Variants in AOX1 observed in about 807,000 individuals in gnomAD.
The protein encoded by AOX1 is aldehyde oxidase 1, also known as aldehyde oxidase.
AOX1 carries 153 observed loss-of-function variants against 169.5 expected under a neutral mutation model. The observed-to-expected ratio is 0.90, with a 90% CI of 0.79 to 1.03. The LOEUF is 1.03. AOX1 is among the 50% of genes least tolerant of loss of function. The probability of loss-of-function intolerance (pLI) is 0.00; values close to 1 mark genes in which losing one functional copy is unlikely to be tolerated. For synonymous variants in AOX1, 562 were observed against 581.9 expected (o/e 0.97, Z 0.49); for missense variants, 1,656 against 1,663.9 (o/e 1.00, Z 0.08).
chr2:200,646,351 C>A lies in AOX1; in HGVS notation c.2847+3550C>A, dbSNP rs142502663. Among the ~76,000 whole-genome samples the A allele has an allele frequency of 2.1e-3, 326 of 152,222 alleles. 2 individuals are homozygous for A. The highest frequency in any genetic ancestry group is 7.5e-3 in the African/African-American group (312 of 41,546). On this transcript the variant is annotated intron_variant, in intron 25 of 34. Transcript: ENST00000374700. ...ATTCAGGAGCAGGTTATTTAATTTC[C>A]ATGTATTTGCATGGTTCTGAAGGTT...
chr2:200,624,860 T>C (rs2034968658), intron 19 of AOX1, among the ~76,000 whole-genome samples: 1 of 152,110 alleles, frequency 6.6e-6, no homozygotes, highest in East Asian at 1.9e-4. Context: ...TGAGACTCAG[T>C]CCATACAGGC....
chr2:200,599,559 A>T, intron 4 of AOX1, 61 bp from the exon 5 acceptor site: 17 of 1,110,916 alleles, frequency 1.5e-5, no homozygotes, highest in Non-Finnish European at 1.8e-5. Flanking sequence ...TGCAGGCTCT[A>T]ATTCATTAGG....
Position 200,632,449 on chromosome 2 carries a change from T to C in AOX1, c.2222-2342T>C, listed in dbSNP as rs1225452228. Among the ~76,000 whole-genome samples the C allele has an allele frequency of 3.9e-5, 6 of 152,046 alleles. No individual in the cohort carries two copies. In the East Asian group the frequency reaches 9.6e-4, roughly 24 times the overall value. On this transcript the variant is annotated intron_variant, in intron 20 of 34. Coordinates refer to ENST00000374700, the MANE Select transcript of AOX1 (RefSeq NM_001159.4). ...TTTACATCCCTCTCCCTTTTTATAA[T>C]ATAATTGATAATTCTATTTATTTAT...
intron 12 of AOX1, 83 bp downstream of exon 12, chr2:200,609,497 G>T (rs1359584564): frequency 1.7e-6 from 2 of 1,183,662 alleles, no homozygotes; most frequent in Non-Finnish European, 2.5e-6. Context: ...ATCCAGTCTT[G>T]AAAATGACTT....
intron 25 of AOX1, among the ~76,000 whole-genome samples, chr2:200,646,682 G>C (rs1045007600): frequency 2.0e-5 from 3 of 151,962 alleles, no homozygotes; most frequent in Admixed American, 1.3e-4. Flanking sequence ...CTATTGTGTT[G>C]CTGTCTATCT....
intron 5 of AOX1, among the ~76,000 whole-genome samples, chr2:200,600,631 G>T (rs573271804): frequency 2.6e-5 from 4 of 152,200 alleles, no homozygotes; most frequent in African/African-American, 9.6e-5. Flanking sequence ...TGAGCCTAAA[G>T]CTCATATGTA....
chr2:200,677,926 T>C (rs369676571), downstream of AOX1, among the ~76,000 whole-genome samples: 180 of 152,294 alleles, frequency 1.2e-3, 5 homozygotes, highest in South Asian at 0.034. Context: ...AGAGTGGTTA[T>C]GTAACGTGCC....
chr2:200,666,565 G>A (rs376041918), intron 31 of AOX1, 122 bp from the exon 32 acceptor site: 58 of 495,500 alleles, frequency 1.2e-4, no homozygotes, highest in African/African-American at 4.3e-4. Flanking sequence ...TGCTTCTTTC[G>A]AAATGACATG....
Position 200,623,943 on chromosome 2 carries a change from T to C in AOX1, c.2084T>C (p.Ile695Thr). Residue 695 changes from isoleucine to threonine, a missense_variant, in exon 19 of 35, where the codon ATT (isoleucine) becomes ACT (threonine). Coordinates refer to ENST00000374700, the MANE Select transcript of AOX1 (RefSeq NM_001159.4). ...QAKRAAKRVK[I>T]VYQDLEPLIL... ...AAGCGAGCTGCTAAGCGAGTGAAGA[T>C]TGTCTATCAAGACTTGGAGCCGCTG... 1 of 1,614,158 alleles carries C rather than the reference T, an allele frequency of 6.2e-7. No homozygotes were observed.
chr2:200,606,295 G>T (rs1200334893), intron 10 of AOX1, among the ~76,000 whole-genome samples: 1 of 152,110 alleles, frequency 6.6e-6, no homozygotes, highest in Non-Finnish European at 1.5e-5. Context: ...GATGGTTGTG[G>T]ATGTGTGGTT....
Position 200,657,161 on chromosome 2 carries a change from C to CAAA in AOX1, c.3171+227_3171+229dup, listed in dbSNP as rs67071824. 6.1e-4 allele frequency among the ~76,000 whole-genome samples: 51 copies of CAAA among 83,002 alleles called. 2 individuals carry two copies. Among genetic ancestry groups the CAAA allele is most frequent in the Middle Eastern group, 6.4e-3 (1 of 156 alleles). The allele number at this position is 83,002 out of a possible 152,430, so 54.5% of individuals were successfully genotyped here. ...GAACATAGGGAGATTCCATCTCTAC[C>CAAA]AAAAATATATATATATATATATATA... On this transcript the variant is annotated intron_variant, in intron 27 of 34. Coordinates refer to ENST00000374700, the MANE Select transcript of AOX1 (RefSeq NM_001159.4).
downstream of AOX1, among the ~76,000 whole-genome samples, chr2:200,680,532 A>C (rs2036142714): frequency 2.4e-5 from 2 of 83,356 alleles, no homozygotes; most frequent in South Asian, 7.4e-4. Flanking sequence ...TCTCAGGGCC[A>C]AGGTTTTTGT....
At chr2:200,627,251 G>C in intron 19 of AOX1, 102 bp from the exon 20 acceptor site, 1 of 753,162 alleles carries the variant, frequency 1.3e-6, no homozygotes, top group Non-Finnish European at 2.3e-6. Context: ...CAAGGTGAAG[G>C]GAGAAACAAC....
chr2:200,656,766 G>A (rs2035694493), intron 26 of AOX1, 76 bp from the exon 27 acceptor site: 2 of 1,105,238 alleles, frequency 1.8e-6, no homozygotes, highest in African/African-American at 3.2e-5. Flanking sequence ...ATATTTCCAA[G>A]GAAAATGTTT....
intron 2 of AOX1, among the ~76,000 whole-genome samples, chr2:200,594,722 A>G (rs78789724): frequency 0.042 from 6,344 of 152,300 alleles, 176 homozygotes; most frequent in Middle Eastern, 0.065. Flanking sequence ...AGTCTGGGAA[A>G]GTCTATTTTT....
chr2:200,670,282 C>CTTTGTGT (rs2036001984), intron 34 of AOX1, among the ~76,000 whole-genome samples: 1 of 152,200 alleles, frequency 6.6e-6, no homozygotes, highest in African/African-American at 2.4e-5. Context: ...ACAGTTACCA[C>CTTTGTGT]CCTGACTTTG....
At chr2:200,615,349 C>G (rs1017010907) in intron 15 of AOX1, among the ~76,000 whole-genome samples, 1 of 152,168 alleles carries the variant, frequency 6.6e-6, no homozygotes, top group African/African-American at 2.4e-5. Context: ...GAAAAAATAA[C>G]CACCATGTGT....
At chr2:200,639,437 A>C (rs774115993) in intron 23 of AOX1, among the ~76,000 whole-genome samples, 11 of 152,350 alleles carry the variant, frequency 7.2e-5, no homozygotes, top group Admixed American at 2.6e-4. Context: ...GCCCAGAATG[A>C]AATACAATAG....
chr2:200,635,071 C>T (rs1301808382), intron 21 of AOX1, among the ~76,000 whole-genome samples, 156 bp downstream of exon 21: 3 of 152,086 alleles, frequency 2.0e-5, no homozygotes, highest in Non-Finnish European at 4.4e-5. Flanking sequence ...ATGATCACAC[C>T]ACTGCACTCC....
Sources: gnomAD v4.1 joint callset for allele counts (sites outside exome capture counted in the v4.1 genomes callset) on GRCh38, gnomAD v4.1.1 for gene constraint, MANE v1.5 for transcripts, NCBI Gene and HGNC (gene_info 2026-07-23, HGNC 2026-07-21) for gene names.